The following PALD1 variants were observed in gnomAD, a reference collection of about 807,000 sequenced individuals.
PALD1 encodes the protein paladin.
A neutral mutation model predicts 96.0 loss-of-function variants in PALD1; 57 were observed. That is an observed-to-expected ratio of 0.59 (90% CI 0.48 to 0.74). The LOEUF (loss-of-function observed/expected upper bound fraction) is 0.74. Among genes scored for constraint, PALD1 ranks in the 30% least tolerant of loss-of-function variants. PALD1 has a pLI of 0.00. For synonymous variants in PALD1, 464 were observed against 473.6 expected (o/e 0.98, Z 0.26); for missense variants, 1,063 against 1,143.7 (o/e 0.93, Z 1.02).
chr10:70,563,519 C>T (rs12411428), intron 18 of PALD1, among the ~76,000 whole-genome samples: 34,751 of 152,200 alleles, frequency 0.23, 4,607 homozygotes, highest in Admixed American at 0.39. Flanking sequence ...TGCCCCACAG[C>T]CTCCCCTGCA....
rs186993805 is a variant in PALD1, at chr10:70,557,761, C to T, written c.2263-6603C>T. On this transcript the variant is annotated intron_variant, in intron 18 of 19. Coordinates refer to ENST00000263563, the MANE Select transcript of PALD1 (RefSeq NM_014431.3). ...CATCTTTGGGGACTGTCACTTGCCT[C>T]CCCACCTCAGCTGGAGGCAGAGGTC... Among the ~76,000 whole-genome samples the T allele has an allele frequency of 2.8e-4, 43 of 152,124 alleles. No individual in the cohort carries two copies. The East Asian group carries it at 6.6e-3, about 23-fold the overall frequency.
At chr10:70,491,641 G>A (rs1375867986) in intron 1 of PALD1, among the ~76,000 whole-genome samples, 1 of 152,158 alleles carries the variant, frequency 6.6e-6, no homozygotes, top group African/African-American at 2.4e-5. Context: ...ACAGTTCAGT[G>A]ACAGTACATT....
the PALD1 span, among the ~76,000 whole-genome samples, chr10:70,470,162 G>A: frequency 2.0e-5 from 3 of 152,192 alleles, no homozygotes; most frequent in African/African-American, 7.2e-5. Flanking sequence ...GGTGAATGGT[G>A]TGATATTTGG....
intron 16 of PALD1, 86 bp downstream of exon 16, chr10:70,541,328 G>T (rs1415189847): frequency 5.2e-6 from 8 of 1,534,606 alleles, no homozygotes; most frequent in Non-Finnish European, 7.1e-6. Context: ...TCCACAGGAG[G>T]GTGTGAGGGG....
rs757109158 is a variant in PALD1 at position 70,526,147 on chromosome 10, G to A, written c.185+11G>A. On this transcript the variant is annotated intron_variant, in intron 2 of 19. Coordinates refer to ENST00000263563, the MANE Select transcript of PALD1 (RefSeq NM_014431.3). ...CCCTGTTGTGATCACGTGAGTGGCAGGGGGAGTGTGCCCATGTCCCTGGGA... is the reference window on the plus strand; with the variant it reads ...CCCTGTTGTGATCACGTGAGTGGCAAGGGGAGTGTGCCCATGTCCCTGGGA... The A allele has an allele frequency of 2.3e-5, 37 of 1,610,712 alleles. No individual in the cohort carries two copies. The highest frequency in any genetic ancestry group is 3.0e-5 in the Non-Finnish European group (35 of 1,177,374).
At chr10:70,546,114 G>A (rs1249621515) in intron 17 of PALD1, among the ~76,000 whole-genome samples, 2 of 152,052 alleles carry the variant, frequency 1.3e-5, no homozygotes, top group African/African-American at 2.4e-5. Context: ...GCAGGTGCCT[G>A]TAATCCCAGC....
At chr10:70,521,860 C>A (rs1314060239) in intron 1 of PALD1, among the ~76,000 whole-genome samples, 3 of 151,348 alleles carry the variant, frequency 2.0e-5, no homozygotes, top group Non-Finnish European at 4.4e-5. Flanking sequence ...TGCCAAGGAC[C>A]CCCAAGCAGA....
the PALD1 span, among the ~76,000 whole-genome samples, chr10:70,461,117 C>T: frequency 1.3e-5 from 2 of 152,254 alleles, no homozygotes; most frequent in African/African-American, 4.8e-5. Context: ...AGCCCTCTGG[C>T]TCATTGCTGT....
At chr10:70,534,396 C>T in intron 8 of PALD1, 29 bp from the exon 9 acceptor site, 3 of 1,510,294 alleles carry the variant, frequency 2.0e-6, no homozygotes, top group South Asian at 1.2e-5. Context: ...TTGGAAGAGC[C>T]TGCTAATGTA....
chr10:70,532,675 G>T lies in PALD1; in HGVS notation c.688G>T (p.Glu230Ter). The change falls in exon 6 of 20, where the codon GAG becomes TAG. Residue 230 changes from glutamate to a stop codon, truncating the protein, a stop_gained. Coordinates refer to ENST00000263563, the MANE Select transcript of PALD1 (RefSeq NM_014431.3). LOFTEE classifies it high-confidence loss of function. ...CACATACCATGTGTACCATAACACCGAGGACCTGTGGGGGGAGCCCCATGC... is the reference window on the plus strand; with the variant it reads ...CACATACCATGTGTACCATAACACCTAGGACCTGTGGGGGGAGCCCCATGC... ...ENTYHVYHNT[E>*]DLWGEPHAVA... 1.9e-6 allele frequency: 3 copies of T among 1,614,174 alleles called. No homozygotes were observed. The highest frequency in any genetic ancestry group is 2.5e-6 in the Non-Finnish European group (3 of 1,180,020).
At chr10:70,472,508 G>A in the PALD1 span, among the ~76,000 whole-genome samples, 2 of 152,088 alleles carry the variant, frequency 1.3e-5, no homozygotes, top group Admixed American at 6.6e-5. Context: ...TGATCTGCCC[G>A]CCTCAGCCTC....
At position 70,539,291 on chromosome 10, in the gene PALD1, TG is replaced by T; in HGVS notation, c.1725+48del. ...TAGGCACCCCTGCCTCCGAGGCTTC[TG>T]GGGAGTGGCCTGGGAGGGTCTTCAG... On this transcript the variant is annotated intron_variant, in intron 14 of 19. Transcript: ENST00000263563. This position sits in a 1 kb window ranked among gnomAD's most constrained non-coding sequence, Gnocchi z 4.5. 2 of 1,560,924 alleles carry T rather than the reference TG, an allele frequency of 1.3e-6. No individual in the cohort carries two copies. Among genetic ancestry groups the T allele is most frequent in the Non-Finnish European group, 1.7e-6 (2 of 1,154,466 alleles).
At chr10:70,535,038 A>G (rs1481935252) in intron 10 of PALD1, among the ~76,000 whole-genome samples, 195 bp downstream of exon 10, 1 of 152,210 alleles carries the variant, frequency 6.6e-6, no homozygotes, top group African/African-American at 2.4e-5. Flanking sequence ...GGGGAAGTTT[A>G]CTTTTCCTGA....
At chr10:70,476,476 T>C (rs117684826), upstream of PALD1, among the ~76,000 whole-genome samples, 1 of 152,320 alleles carries the variant, frequency 6.6e-6, no homozygotes, top group East Asian at 1.9e-4. Context: ...CAGGACTCGC[T>C]ATTCTGAGTA....
At chr10:70,532,908 C>T in intron 6 of PALD1, 87 bp from the exon 7 acceptor site, 3 of 1,505,094 alleles carry the variant, frequency 2.0e-6, no homozygotes, top group Non-Finnish European at 2.7e-6. Flanking sequence ...CAGTGGGGCC[C>T]ATTTCCAAAC....
chr10:70,548,286 T>C (rs1008119091), intron 18 of PALD1, among the ~76,000 whole-genome samples: 2 of 151,872 alleles, frequency 1.3e-5, no homozygotes, highest in Non-Finnish European at 2.9e-5. Context: ...GCTTGGGTGA[T>C]AGTGAGACTC....
At position 70,539,874 on chromosome 10, in the gene PALD1, CG is replaced by C; in HGVS notation, c.1908+115del. On this transcript the variant is annotated intron_variant, in intron 15 of 19. Coordinates refer to ENST00000263563, the MANE Select transcript of PALD1 (RefSeq NM_014431.3). This position sits in a 1 kb window ranked among gnomAD's most constrained non-coding sequence, Gnocchi z 4.5. ...ACGACCCCAGCTTCTCTACGGGGCC[CG>C]GGAATGGTCTCACGAGGTTTTCCGA... 1 of 901,408 alleles carries C rather than the reference CG, an allele frequency of 1.1e-6. No individual in the cohort carries two copies. The highest frequency in any genetic ancestry group is 1.7e-6 in the Non-Finnish European group (1 of 596,574). 55.8% of individuals were successfully genotyped at this position (901,408 alleles called of 1,614,324 possible). A position where few individuals can be genotyped will look rare whatever the true frequency, so the allele number is the denominator to read the frequency against.
At chr10:70,464,418 TG>T in the PALD1 span, among the ~76,000 whole-genome samples, 1 of 152,040 alleles carries the variant, frequency 6.6e-6, no homozygotes, top group African/African-American at 2.4e-5. Context: ...TTCACCATGT[TG>T]GCCAGGCTGG....
intron 1 of PALD1, among the ~76,000 whole-genome samples, chr10:70,484,786 G>A (rs190601497): frequency 2.6e-5 from 4 of 152,038 alleles, no homozygotes; most frequent in Non-Finnish European, 4.4e-5. Flanking sequence ...TGATCTGCCC[G>A]CCTCGGCCTC....
Sources: gnomAD v4.1 joint callset for allele counts (sites outside exome capture counted in the v4.1 genomes callset) on GRCh38, gnomAD v4.1.1 for gene constraint, Gnocchi (gnomAD v3.1) non-coding constraint, MANE v1.5 for transcripts, NCBI Gene and HGNC (gene_info 2026-07-23, HGNC 2026-07-21) for gene names.